The following TMEM116 variants were observed in gnomAD, a reference collection of about 807,000 sequenced individuals.
TMEM116 encodes the protein transmembrane protein 116.
In TMEM116, 38 loss-of-function variants were observed where a neutral mutation model predicts 44.3. The ratio of observed to expected loss-of-function variants is 0.86; its 90% CI spans 0.66 to 1.12. The LOEUF is 1.12. Ranked by LOEUF, TMEM116 falls within the 50% of genes most tolerant of loss-of-function variation. The pLI is 0.00. For missense variants in TMEM116, 354 were observed against 401.7 expected, an observed-to-expected ratio of 0.88 and a Z score of 1.01; for synonymous variants, 132 against 144.8, an observed-to-expected ratio of 0.91 and a Z score of 0.64.
intron 4 of TMEM116, among the ~76,000 whole-genome samples, chr12:111,957,112 CT>C (rs2074172240): frequency 6.6e-6 from 1 of 151,680 alleles, no homozygotes; most frequent in South Asian, 2.1e-4. Flanking sequence ...TGAGGAGCCC[CT>C]CTGCCCGGCC....
At chr12:111,947,848 A>T (rs2073406425) in intron 4 of TMEM116, among the ~76,000 whole-genome samples, 1 of 152,238 alleles carries the variant, frequency 6.6e-6, no homozygotes, top group African/African-American at 2.4e-5. Flanking sequence ...ACTGCTAATC[A>T]AGATAAAACC....
At chr12:111,952,420 T>G (rs1479258275) in intron 4 of TMEM116, among the ~76,000 whole-genome samples, 1 of 152,206 alleles carries the variant, frequency 6.6e-6, no homozygotes, top group Admixed American at 6.5e-5. Flanking sequence ...CTGGAAAAGC[T>G]GAGACCCATA....
intron 4 of TMEM116, among the ~76,000 whole-genome samples, chr12:111,980,420 G>A (rs1400980615): frequency 6.6e-6 from 1 of 150,906 alleles, no homozygotes; most frequent in Admixed American, 6.6e-5. Context: ...GGAAGAGTGT[G>A]CGAAAGATGA....
At chr12:111,968,065 AAAAC>A (rs59987522) in intron 4 of TMEM116, among the ~76,000 whole-genome samples, 11 of 151,768 alleles carry the variant, frequency 7.2e-5, no homozygotes, top group East Asian at 1.9e-4. Context: ...GTGCTGAAGA[AAAAC>A]AAACAAACAA....
At chr12:111,948,024 T>C (rs2073416488) in intron 4 of TMEM116, among the ~76,000 whole-genome samples, 1 of 152,236 alleles carries the variant, frequency 6.6e-6, no homozygotes, top group South Asian at 2.1e-4. Flanking sequence ...GAAAAAACAC[T>C]GTTGGTTCTT....
At position 111,936,497 on chromosome 12, in the gene TMEM116, CTCTCT is replaced by C. The variant is rs2072171545; in HGVS notation, c.588+190_588+194del. 1.5e-5 allele frequency: 8 copies of C among 538,960 alleles called. No homozygotes were observed. The East Asian group carries it at 2.5e-4, about 17-fold the overall frequency. The allele number at this position is 538,960 out of a possible 1,614,324, so 33.4% of individuals were successfully genotyped here. On this transcript the variant is annotated intron_variant, in intron 8 of 10. Coordinates refer to ENST00000552374, the MANE Select transcript of TMEM116 (RefSeq NM_001193531.2). ...ACCTAATAAATACAAGCTCTTTTCT[CTCTCT>C]TATCATTTGATTTGGGGAAGTGCAA...
At chr12:111,936,461 G>A in intron 8 of TMEM116, 2 of 461,286 alleles carry the variant, frequency 4.3e-6, no homozygotes, top group Middle Eastern at 5.8e-4. Flanking sequence ...TGTAGAGTGA[G>A]CATAATTTTC....
At chr12:111,934,277 A>C (rs1161096123) in intron 8 of TMEM116, 10 of 410,148 alleles carry the variant, frequency 2.4e-5, no homozygotes, top group Non-Finnish European at 4.0e-5. Flanking sequence ...TAACACATGA[A>C]CCTTACATCA....
chr12:111,942,365 C>T lies in TMEM116; in HGVS notation c.315+900G>A, dbSNP rs372950456. On this transcript the variant is annotated intron_variant, in intron 5 of 10. Coordinates refer to ENST00000552374, the MANE Select transcript of TMEM116 (RefSeq NM_001193531.2). ...TCGGCTCACTGCAAGCTCCGCCTCC[C>T]GGGTTCATGCCATTCTCCTGCCTCA... Among the ~76,000 whole-genome samples, 19 of 151,486 alleles carry T rather than the reference C, an allele frequency of 1.3e-4. No individual in the cohort carries two copies. In the South Asian group the frequency reaches 3.6e-3, roughly 28 times the overall value.
At chr12:111,979,244 AATGG>A (rs1819569768) in intron 4 of TMEM116, among the ~76,000 whole-genome samples, 2 of 152,250 alleles carry the variant, frequency 1.3e-5, no homozygotes, top group East Asian at 1.9e-4. Context: ...CACGTTTATG[AATGG>A]ATGAATAAAT....
intron 4 of TMEM116, among the ~76,000 whole-genome samples, chr12:111,959,636 A>AT (rs774054283): frequency 3.9e-5 from 6 of 152,246 alleles, no homozygotes; most frequent in Non-Finnish European, 8.8e-5. Context: ...GGCTCAAAAT[A>AT]AAGGGATGAA....
intron 4 of TMEM116, among the ~76,000 whole-genome samples, chr12:111,947,613 G>A (rs1311337203): frequency 1.3e-5 from 2 of 152,136 alleles, no homozygotes; most frequent in East Asian, 1.9e-4. Flanking sequence ...ACATTTAATT[G>A]TGAATGTCTG....
Position 112,013,117 on chromosome 12 carries a change from T to C in TMEM116, c.-149A>G, listed in dbSNP as rs1026557193. On this transcript the variant is annotated 5_prime_UTR_variant, in exon 1 of 11. Transcript: ENST00000552374. ...GGACAGCAAACGAATTGCTATAGCG[T>C]CCCCATGCGCACTTGGCGCTTCTCC... The C allele has an allele frequency of 3.6e-6, 1 of 275,268 alleles. No individual in the cohort carries two copies. Among genetic ancestry groups the C allele is most frequent in the Non-Finnish European group, 6.9e-6 (1 of 144,926 alleles). The allele number at this position is 275,268 out of a possible 1,614,324, so 17.1% of individuals were successfully genotyped here.
chr12:111,977,707 T>C (rs769477799), intron 4 of TMEM116, among the ~76,000 whole-genome samples: 7 of 152,056 alleles, frequency 4.6e-5, no homozygotes, highest in African/African-American at 7.2e-5. Flanking sequence ...AAAAATGTAT[T>C]GAGTGATTAT....
chr12:111,963,236 T>C (rs2074731528), intron 4 of TMEM116, among the ~76,000 whole-genome samples: 1 of 152,184 alleles, frequency 6.6e-6, no homozygotes, highest in Non-Finnish European at 1.5e-5. Context: ...GAGTGTAAAT[T>C]AGTTCAACCA....
intron 4 of TMEM116, among the ~76,000 whole-genome samples, chr12:111,957,695 T>TG (rs1012875033): frequency 8.8e-5 from 12 of 137,116 alleles, no homozygotes; most frequent in Admixed American, 1.4e-4. Flanking sequence ...GTCTGGGAGG[T>TG]GGGGGGGCCC....
intron 9 of TMEM116, 37 bp from the exon 10 acceptor site, chr12:111,932,696 C>T: frequency 6.4e-7 from 1 of 1,553,216 alleles, no homozygotes; most frequent in Non-Finnish European, 8.9e-7. Context: ...CTTGTCAGCC[C>T]TGACTGTCTG....
intron 9 of TMEM116, among the ~76,000 whole-genome samples, chr12:111,933,356 G>A (rs1014717892): frequency 6.6e-6 from 1 of 152,016 alleles, no homozygotes; most frequent in African/African-American, 2.4e-5. Flanking sequence ...ATATCATGGT[G>A]CATCTCATGT....
intron 3 of TMEM116, among the ~76,000 whole-genome samples, chr12:111,995,382 A>G (rs2076876921): frequency 1.3e-5 from 2 of 152,122 alleles, no homozygotes. Flanking sequence ...AGCTAGAACA[A>G]TTGGGTATCC....
Sources: allele counts gnomAD v4.1 joint callset (sites outside exome capture counted in the v4.1 genomes callset), GRCh38; gene constraint gnomAD v4.1.1; transcripts MANE v1.5; gene names NCBI Gene and HGNC (gene_info 2026-07-23, HGNC 2026-07-21).